NELL1: variants seen among roughly 807,000 people sequenced by gnomAD.
The protein encoded by NELL1 is neural EGFL like 1.
NELL1 carries 76 observed loss-of-function variants against 107.4 expected under a neutral mutation model. The observed-to-expected ratio is 0.71, with a 90% confidence interval of 0.59 to 0.86. The LOEUF (loss-of-function observed/expected upper bound fraction) is 0.86, where lower values mean the gene tolerates loss of function less well. Ranked by LOEUF, NELL1 falls within the 40% of genes least tolerant of loss-of-function variation. NELL1 has a pLI of 0.00. For missense variants in NELL1, 1,024 were observed against 1,005.5 expected, an observed-to-expected ratio of 1.02 and a Z score of -0.25; for synonymous variants, 353 against 341.2, an observed-to-expected ratio of 1.03 and a Z score of -0.38.
chr11:21,328,198 G>A (rs778771033), intron 14 of NELL1, among the ~76,000 whole-genome samples: 1 of 152,082 alleles, frequency 6.6e-6, no homozygotes, highest in Non-Finnish European at 1.5e-5. Context: ...TTTATGGGCT[G>A]GACCTATGGC....
chr11:20,772,678 C>T (rs1856664127), intron 2 of NELL1, among the ~76,000 whole-genome samples: 1 of 151,520 alleles, frequency 6.6e-6, no homozygotes, highest in African/African-American at 2.4e-5. Flanking sequence ...ACAGATGAGG[C>T]AACTCAAGGA....
chr11:21,133,036 A>T (rs1855660890), intron 13 of NELL1, among the ~76,000 whole-genome samples: 1 of 151,944 alleles, frequency 6.6e-6, no homozygotes, highest in Non-Finnish European at 1.5e-5. Flanking sequence ...AGTGGAGAGG[A>T]GACCCATAGT....
At chr11:21,372,087 A>C (rs1851369128) in intron 15 of NELL1, among the ~76,000 whole-genome samples, 1 of 152,082 alleles carries the variant, frequency 6.6e-6, no homozygotes, top group African/African-American at 2.4e-5. Context: ...ATCAACAAAT[A>C]AAAATATAAC....
chr11:21,566,208 C>T (rs1856969324), intron 17 of NELL1, among the ~76,000 whole-genome samples: 1 of 151,760 alleles, frequency 6.6e-6, no homozygotes, highest in Non-Finnish European at 1.5e-5. Flanking sequence ...GTTTTCCAAC[C>T]CAAAGTTTAT....
At chr11:21,093,503 C>T (rs928388095) in intron 12 of NELL1, among the ~76,000 whole-genome samples, 1 of 152,164 alleles carries the variant, frequency 6.6e-6, no homozygotes, top group Non-Finnish European at 1.5e-5. Flanking sequence ...TGCCTCAGAT[C>T]CTCTCCTGAG....
At position 21,560,309 on chromosome 11, in the gene NELL1, ATGAAGGGGGGC is replaced by A. The variant is rs1218051622; in HGVS notation, c.1913_1923del (p.Gly638AlafsTer31). On this transcript the variant is annotated frameshift_variant, in exon 17 of 20. Transcript: ENST00000357134. LOFTEE classifies it high-confidence loss of function. ...CCCTCCTGCTCTGGTGACTGTCCTC[ATGAAGGGGGGC>A]TGAAGCACAATGGCCAGGTGTGGAC... 1 of 1,613,076 alleles carries A rather than the reference ATGAAGGGGGGC, an allele frequency of 6.2e-7. No homozygotes were observed. Among genetic ancestry groups the A allele is most frequent in the Non-Finnish European group, 8.5e-7 (1 of 1,179,602 alleles).
intron 1 of NELL1, among the ~76,000 whole-genome samples, chr11:20,675,902 C>T (rs986486656): frequency 6.6e-6 from 1 of 152,012 alleles, no homozygotes; most frequent in Non-Finnish European, 1.5e-5. Flanking sequence ...TGTACGCCAC[C>T]ATGCCCGGCT....
intron 7 of NELL1, among the ~76,000 whole-genome samples, chr11:20,922,880 C>A (rs1456631969): frequency 2.6e-5 from 4 of 152,012 alleles, no homozygotes; most frequent in Non-Finnish European, 5.9e-5. Flanking sequence ...TTCCGTGAGC[C>A]CAGGCAAATG....
chr11:21,336,779 G>A (rs1313442305), intron 14 of NELL1, among the ~76,000 whole-genome samples: 1 of 151,154 alleles, frequency 6.6e-6, no homozygotes, highest in East Asian at 2.0e-4. Context: ...TACTCAGTTG[G>A]CCCTTTAAAA....
At chr11:20,743,703 G>T (rs1470292914) in intron 2 of NELL1, among the ~76,000 whole-genome samples, 1 of 151,988 alleles carries the variant, frequency 6.6e-6, no homozygotes, top group Non-Finnish European at 1.5e-5. Context: ...ATATTGCTCT[G>T]AGCTCTGTCT....
At chr11:21,454,941 A>G (rs1853688072) in intron 15 of NELL1, among the ~76,000 whole-genome samples, 1 of 152,238 alleles carries the variant, frequency 6.6e-6, no homozygotes, top group Non-Finnish European at 1.5e-5. Context: ...GAACACAGAT[A>G]TTTAGTCCAT....
At chr11:21,316,411 G>A (rs1279865002) in intron 14 of NELL1, among the ~76,000 whole-genome samples, 1 of 152,142 alleles carries the variant, frequency 6.6e-6, no homozygotes, top group Non-Finnish European at 1.5e-5. Context: ...AAAGAAGGAA[G>A]CCAAATCACT....
chr11:20,875,443 C>T (rs1363559032), intron 4 of NELL1, among the ~76,000 whole-genome samples: 6 of 152,136 alleles, frequency 3.9e-5, no homozygotes, highest in Admixed American at 3.9e-4. Context: ...GTAGCATGCA[C>T]CTATAGTCCC....
At chr11:20,756,134 C>T (rs541066339) in intron 2 of NELL1, among the ~76,000 whole-genome samples, 1 of 151,904 alleles carries the variant, frequency 6.6e-6, no homozygotes, top group Non-Finnish European at 1.5e-5. Flanking sequence ...CCTGCCTCGG[C>T]CCCCCAAAGT....
intron 15 of NELL1, among the ~76,000 whole-genome samples, chr11:21,407,289 G>A (rs899094814): frequency 2.0e-5 from 3 of 152,062 alleles, no homozygotes; most frequent in African/African-American, 7.2e-5. Flanking sequence ...GATGGCGCAT[G>A]CCTGTAGTCC....
intron 15 of NELL1, among the ~76,000 whole-genome samples, chr11:21,400,104 T>G (rs2133795360): frequency 6.6e-6 from 1 of 151,926 alleles, no homozygotes; most frequent in African/African-American, 2.4e-5. Flanking sequence ...TTCCCTTAAT[T>G]TTCACTCTTC....
At position 21,022,259 on chromosome 11, in the gene NELL1, T is replaced by A. The variant is rs547431527; in HGVS notation, c.1300+61699T>A. ...GTTACCTTTAAAGGACCATAGGTAC[T>A]GATTTGCTCAGGCAACTCCTGTTTC... is the stretch of plus-strand genomic sequence containing the variant. On this transcript the variant is annotated intron_variant, in intron 12 of 19. Coordinates refer to ENST00000357134, the MANE Select transcript of NELL1 (RefSeq NM_006157.5). 4.6e-5 allele frequency among the ~76,000 whole-genome samples: 7 copies of A among 152,246 alleles called. No individual in the cohort carries two copies. In the South Asian group the frequency reaches 1.5e-3, roughly 32 times the overall value.
At chr11:21,275,680 C>T (rs964618665) in intron 14 of NELL1, among the ~76,000 whole-genome samples, 2 of 152,182 alleles carry the variant, frequency 1.3e-5, no homozygotes, top group African/African-American at 4.8e-5. Flanking sequence ...AATCCAGCAG[C>T]ACATCAAGAA....
intron 14 of NELL1, among the ~76,000 whole-genome samples, chr11:21,293,372 C>T (rs1314528948): frequency 6.6e-6 from 1 of 152,126 alleles, no homozygotes; most frequent in African/African-American, 2.4e-5. Flanking sequence ...AAATCAAGAT[C>T]ACAGTGAGAT....
Sources: allele counts gnomAD v4.1 joint callset (sites outside exome capture counted in the v4.1 genomes callset), GRCh38; gene constraint gnomAD v4.1.1; transcripts MANE v1.5; gene names NCBI Gene and HGNC (gene_info 2026-07-23, HGNC 2026-07-21).